Variants in INPP4B observed in about 807,000 individuals in gnomAD.
The protein encoded by INPP4B is inositol polyphosphate 4-phosphatase type II.
Under a neutral mutation model 122.5 loss-of-function variants are expected in INPP4B, and 55 were observed. The observed-to-expected ratio is 0.45, with a 90% CI of 0.36 to 0.56. The LOEUF (loss-of-function observed/expected upper bound fraction) is 0.56. INPP4B is among the 20% of genes least tolerant of loss of function. INPP4B has a pLI of 0.00. For missense variants in INPP4B, 1,000 were observed against 1,097.7 expected (o/e 0.91, Z 1.26); for synonymous variants, 403 against 388.7 (o/e 1.04, Z -0.43).
chr4:142,487,201 T>A (rs1821305829), intron 2 of INPP4B, among the ~76,000 whole-genome samples: 2 of 152,158 alleles, frequency 1.3e-5, no homozygotes, highest in African/African-American at 4.8e-5. Context: ...TCCTCCTTGC[T>A]TTCTAACATG....
At chr4:142,544,046 C>T (rs1829243309) in intron 2 of INPP4B, among the ~76,000 whole-genome samples, 1 of 151,316 alleles carries the variant, frequency 6.6e-6, no homozygotes, top group Admixed American at 6.6e-5. Context: ...TTGGAGAAAG[C>T]TGAGCTACAC....
chr4:142,465,624 T>C (rs1187618456), intron 2 of INPP4B, among the ~76,000 whole-genome samples: 1 of 152,206 alleles, frequency 6.6e-6, no homozygotes, highest in Non-Finnish European at 1.5e-5. Flanking sequence ...CCTGTATCCA[T>C]TCCTTTTGTG....
chr4:142,721,631 G>A (rs1764695945), intron 2 of INPP4B, among the ~76,000 whole-genome samples: 2 of 152,130 alleles, frequency 1.3e-5, no homozygotes, highest in Non-Finnish European at 2.9e-5. Context: ...CACTATCCTG[G>A]CTAACACAGT....
intron 25 of INPP4B, among the ~76,000 whole-genome samples, chr4:142,058,831 G>T (rs1315364431): frequency 3.3e-5 from 5 of 152,078 alleles, no homozygotes; most frequent in African/African-American, 1.2e-4. Flanking sequence ...GATTGAGATT[G>T]GGTTGAACAG....
intron 25 of INPP4B, among the ~76,000 whole-genome samples, chr4:142,077,992 G>T (rs775136042): frequency 8.6e-5 from 13 of 151,366 alleles, no homozygotes; most frequent in Non-Finnish European, 1.6e-4. Flanking sequence ...CTGATGGGCT[G>T]TGAGGGTTAA....
chr4:142,122,827 G>C (rs1190748932), intron 20 of INPP4B, among the ~76,000 whole-genome samples: 1 of 151,724 alleles, frequency 6.6e-6, no homozygotes, highest in Non-Finnish European at 1.5e-5. Flanking sequence ...CATTTCAATT[G>C]TAAATTAATA....
chr4:142,335,868 G>A (rs1314972876), intron 7 of INPP4B, among the ~76,000 whole-genome samples: 1 of 152,216 alleles, frequency 6.6e-6, no homozygotes, highest in African/African-American at 2.4e-5. Context: ...ACAAGGGCAG[G>A]TCACCAGTGA....
At chr4:142,273,143 C>T (rs746237098) in intron 9 of INPP4B, among the ~76,000 whole-genome samples, 7 of 151,896 alleles carry the variant, frequency 4.6e-5, no homozygotes, top group Non-Finnish European at 8.8e-5. Flanking sequence ...ATGGAGATGA[C>T]AATAGCCTTG....
intron 15 of INPP4B, among the ~76,000 whole-genome samples, chr4:142,179,562 G>GAAAAATGATGCTAATAGGA (rs1553998359): frequency 8.3e-4 from 25 of 30,068 alleles, no homozygotes; most frequent in Admixed American, 2.8e-3. Context: ...TTAGCTCTGT[G>GAAAAATGATGCTAATAGGA]AAAAAAAAAA....
intron 12 of INPP4B, among the ~76,000 whole-genome samples, chr4:142,231,231 C>G (rs1309270358): frequency 1.3e-5 from 2 of 152,222 alleles, no homozygotes; most frequent in South Asian, 4.1e-4. Context: ...GCAAGTGATG[C>G]AAAAGCAGTT....
chr4:142,837,299 T>C (rs1343451450), intron 1 of INPP4B, among the ~76,000 whole-genome samples: 1 of 152,064 alleles, frequency 6.6e-6, no homozygotes, highest in Non-Finnish European at 1.5e-5. Context: ...CAAACAATAG[T>C]AGAAGAATAT....
intron 5 of INPP4B, among the ~76,000 whole-genome samples, chr4:142,413,279 G>C (rs1482184566): frequency 6.6e-6 from 1 of 152,010 alleles, no homozygotes; most frequent in South Asian, 2.1e-4. Context: ...GCATATAAGG[G>C]AAAATAATAG....
At chr4:142,720,892 T>TTG (rs1270315054) in intron 2 of INPP4B, among the ~76,000 whole-genome samples, 4 of 122,960 alleles carry the variant, frequency 3.3e-5, no homozygotes, top group African/African-American at 1.3e-4. Flanking sequence ...GGAGTGCATC[T>TTG]CGTGTGTGTG....
At chr4:142,841,070 C>T (rs569292033) in intron 1 of INPP4B, among the ~76,000 whole-genome samples, 4 of 152,078 alleles carry the variant, frequency 2.6e-5, no homozygotes, top group East Asian at 1.9e-4. Flanking sequence ...TTAACTACTG[C>T]GCATCAATTA....
chr4:142,234,669 A>G (rs915889740), intron 12 of INPP4B, among the ~76,000 whole-genome samples: 1 of 152,254 alleles, frequency 6.6e-6, no homozygotes, highest in African/African-American at 2.4e-5. Flanking sequence ...CAGCCTGGTC[A>G]TCATAGACCC....
chr4:142,253,460 G>A (rs1467365682), intron 11 of INPP4B, among the ~76,000 whole-genome samples: 6 of 152,192 alleles, frequency 3.9e-5, no homozygotes, highest in African/African-American at 1.4e-4. Context: ...ATCTCACTAG[G>A]GAGTGCCAGA....
In INPP4B at chr4:142,024,011, G is replaced by C. The variant is rs989138484; in HGVS notation, c.*4771C>G. Reference sequence around the variant, plus strand: ...CCTTGTTATTAATAGCAAGACATATGTTCCTTTTAGAAATGTTTGATTCTC... The same window carrying C: ...CCTTGTTATTAATAGCAAGACATATCTTCCTTTTAGAAATGTTTGATTCTC... On this transcript the variant is annotated 3_prime_UTR_variant, in exon 26 of 26. Coordinates refer to ENST00000262992, the MANE Select transcript of INPP4B (RefSeq NM_001101669.3). 3 of 151,266 alleles carry C rather than the reference G, an allele frequency of 2.0e-5. No individual in the cohort carries two copies. Among genetic ancestry groups the C allele is most frequent in the Non-Finnish European group, 4.4e-5 (3 of 67,880 alleles). 9.4% of individuals were successfully genotyped at this position (151,266 alleles called of 1,614,324 possible). A position where few individuals can be genotyped will look rare whatever the true frequency, so the allele number is the denominator to read the frequency against.
chr4:142,187,427 G>T (rs1046823319), intron 15 of INPP4B, among the ~76,000 whole-genome samples: 1 of 151,842 alleles, frequency 6.6e-6, no homozygotes, highest in African/African-American at 2.4e-5. Context: ...TGGAGTATTG[G>T]GAATGACTTC....
In INPP4B at chr4:142,026,115, G is replaced by T. The variant is rs1176063073; in HGVS notation, c.*2667C>A. 1 of 152,118 alleles carries T rather than the reference G, an allele frequency of 6.6e-6. No individual in the cohort carries two copies. Among genetic ancestry groups the T allele is most frequent in the Non-Finnish European group, 1.5e-5 (1 of 68,014 alleles). 9.4% of individuals were successfully genotyped at this position (152,118 alleles called of 1,614,324 possible). ...CTCAGTTCATTTTTTGGCTCAATAT[G>T]ACCTCCTAAAATAGGTCTGCTGGTG... is the stretch of plus-strand genomic sequence containing the variant. On this transcript the variant is annotated 3_prime_UTR_variant, in exon 26 of 26. Coordinates refer to ENST00000262992, the MANE Select transcript of INPP4B (RefSeq NM_001101669.3).
Sources: gnomAD v4.1 joint callset for allele counts (sites outside exome capture counted in the v4.1 genomes callset) on GRCh38, gnomAD v4.1.1 for gene constraint, MANE v1.5 for transcripts, NCBI Gene and HGNC (gene_info 2026-07-23, HGNC 2026-07-21) for gene names.